The following ASAP1 variants were observed in gnomAD, a reference collection of about 807,000 sequenced individuals.
ASAP1 encodes ArfGAP with SH3 domain, ankyrin repeat and PH domain 1, also known as arf-GAP with SH3 domain, ANK repeat and PH domain-containing protein 1.
A neutral mutation model predicts 145.2 loss-of-function variants in ASAP1; 43 were observed. That is an observed-to-expected ratio of 0.30 (90% CI 0.23 to 0.38). The LOEUF (loss-of-function observed/expected upper bound fraction) is 0.38, where lower values mean the gene tolerates loss of function less well. ASAP1 is among the 10% of genes least tolerant of loss of function. ASAP1 has a pLI of 1.00. For synonymous variants in ASAP1, 546 were observed against 515.5 expected, an observed-to-expected ratio of 1.06 and a Z score of -0.80; for missense variants, 1,018 against 1,355.3, an observed-to-expected ratio of 0.75 and a Z score of 3.91.
chr8:130,090,327 T>C (rs1008745300), intron 25 of ASAP1, among the ~76,000 whole-genome samples: 1 of 152,192 alleles, frequency 6.6e-6, no homozygotes, highest in Admixed American at 6.5e-5. Context: ...GGTTAATTTG[T>C]GATATGAAAC....
intron 9 of ASAP1, among the ~76,000 whole-genome samples, chr8:130,171,635 C>T (rs992580464): frequency 3.3e-5 from 5 of 152,140 alleles, no homozygotes; most frequent in African/African-American, 7.2e-5. Flanking sequence ...GGAGCCAAAC[C>T]CTATCAACCT....
At chr8:130,372,411 A>G (rs1209889555) in intron 2 of ASAP1, among the ~76,000 whole-genome samples, 1 of 152,220 alleles carries the variant, frequency 6.6e-6, no homozygotes, top group Non-Finnish European at 1.5e-5. Context: ...TGCCAAAGAG[A>G]CAAACAGCAA....
rs1381245576 is a variant in ASAP1, at chr8:130,133,916, G to A, written c.1217+380C>T. ...AAAACTGAGCAAAGGCCCCTCCTGA[G>A]GGCAAGGGATGTGATTAAAAGATGC... On this transcript the variant is annotated intron_variant, in intron 15 of 29. Transcript: ENST00000518721. Among the ~76,000 whole-genome samples, 4 of 152,338 alleles carry A rather than the reference G, an allele frequency of 2.6e-5. No homozygotes were observed. In the East Asian group the frequency reaches 7.7e-4, roughly 29 times the overall value.
chr8:130,130,520 C>G lies in ASAP1; in HGVS notation c.1218-2430G>C, dbSNP rs1232652910. Among the ~76,000 whole-genome samples, 3 of 152,184 alleles carry G rather than the reference C, an allele frequency of 2.0e-5. No individual in the cohort carries two copies. The South Asian group carries it at 6.2e-4, about 32-fold the overall frequency. Reference sequence around the variant, plus strand: ...CAAAAGGACCAAGACTCACAGTGATCATTTGTGACATTAACTTTTAAATTA... The same window carrying G: ...CAAAAGGACCAAGACTCACAGTGATGATTTGTGACATTAACTTTTAAATTA... On this transcript the variant is annotated intron_variant, in intron 15 of 29. Transcript: ENST00000518721.
chr8:130,261,346 T>C (rs1365328619), intron 3 of ASAP1, among the ~76,000 whole-genome samples: 1 of 152,242 alleles, frequency 6.6e-6, no homozygotes, highest in East Asian at 1.9e-4. Flanking sequence ...GGAATCTTCC[T>C]AAGCAACTTT....
At chr8:130,316,836 C>T (rs1374619811) in intron 3 of ASAP1, among the ~76,000 whole-genome samples, 1 of 152,182 alleles carries the variant, frequency 6.6e-6, no homozygotes, top group Non-Finnish European at 1.5e-5. Flanking sequence ...TGGGATTTTC[C>T]CCCTGTAATA....
At position 130,069,619 on chromosome 8, in the gene ASAP1, C is replaced by A. The variant is rs566665004; in HGVS notation, c.2701+6729G>T. Reference sequence around the variant, plus strand: ...CCATGCTAATCTTCTCTGTATGGTTCCAATTTTAGCATATGTGCTGCCGAA... The same window carrying A: ...CCATGCTAATCTTCTCTGTATGGTTACAATTTTAGCATATGTGCTGCCGAA... On this transcript the variant is annotated intron_variant, in intron 27 of 29. Coordinates refer to ENST00000518721, the MANE Select transcript of ASAP1 (RefSeq NM_018482.4). 2.0e-5 allele frequency: 3 copies of A among 152,296 alleles called. No homozygotes were observed. In the South Asian group the frequency reaches 6.2e-4, roughly 32 times the overall value. 9.4% of individuals were successfully genotyped at this position (152,296 alleles called of 1,614,324 possible).
At chr8:130,343,962 G>A (rs1825546620) in intron 3 of ASAP1, among the ~76,000 whole-genome samples, 1 of 152,186 alleles carries the variant, frequency 6.6e-6, no homozygotes, top group Non-Finnish European at 1.5e-5. Context: ...GCTTATGGAT[G>A]ACTTTTAAAT....
In ASAP1 at chr8:130,054,363, T is replaced by C. The variant is rs371739209; in HGVS notation, c.*368A>G. ...TAACACAATTGAGAATACTGCATTG[T>C]TAGGAACAGAGTCAATTCTATGCCT... On this transcript the variant is annotated 3_prime_UTR_variant, in exon 30 of 30. Transcript: ENST00000518721. 73 of 206,154 alleles carry C rather than the reference T, an allele frequency of 3.5e-4. No individual in the cohort carries two copies. The highest frequency in any genetic ancestry group is 1.5e-3 in the African/African-American group (65 of 44,478). 12.8% of individuals were successfully genotyped at this position (206,154 alleles called of 1,614,324 possible).
intron 3 of ASAP1, among the ~76,000 whole-genome samples, chr8:130,309,186 T>C (rs1823176651): frequency 6.6e-6 from 1 of 152,180 alleles, no homozygotes; most frequent in African/African-American, 2.4e-5. Flanking sequence ...AAAAGCACAA[T>C]GCTTGCTTTG....
intron 3 of ASAP1, among the ~76,000 whole-genome samples, chr8:130,302,656 C>A (rs555789887): frequency 6.6e-6 from 1 of 152,198 alleles, no homozygotes; most frequent in Admixed American, 6.5e-5. Context: ...TGGAGAGACA[C>A]CAGCTGAGGG....
intron 3 of ASAP1, among the ~76,000 whole-genome samples, chr8:130,268,490 A>AACACACACAC (rs113714700): frequency 0.019 from 2,512 of 133,118 alleles, 33 homozygotes; most frequent in East Asian, 0.026. Context: ...CCCGTCTTAA[A>AACACACACAC]ACACACACAC....
At chr8:130,331,413 T>C (rs1824682547) in intron 3 of ASAP1, among the ~76,000 whole-genome samples, 1 of 152,138 alleles carries the variant, frequency 6.6e-6, no homozygotes, top group Non-Finnish European at 1.5e-5. Context: ...ACTTGGTCAG[T>C]TTACTTCACT....
chr8:130,075,375 T>C (rs1382056425), intron 27 of ASAP1, among the ~76,000 whole-genome samples: 1 of 152,326 alleles, frequency 6.6e-6, no homozygotes, highest in African/African-American at 2.4e-5. Context: ...TCAAAGTGTG[T>C]TACTTCACTG....
intron 3 of ASAP1, among the ~76,000 whole-genome samples, chr8:130,253,889 T>C (rs1586690273): frequency 6.6e-6 from 1 of 151,948 alleles, no homozygotes; most frequent in Admixed American, 6.6e-5. Context: ...GCCGTGGCGG[T>C]GGGAGCCTGT....
rs2097561796 is a variant in ASAP1 at position 130,119,365 on chromosome 8, G to GTTCAGTA, written c.1608-697_1608-691dup. The stretch of plus-strand genomic sequence containing the variant: ...AAGATGAGCTGTCTTTCCTGCACAG[G>GTTCAGTA]TTCAGTATGGGAGCAGGAGACCACA... On this transcript the variant is annotated intron_variant, in intron 18 of 29. Transcript: ENST00000518721. Among the ~76,000 whole-genome samples the GTTCAGTA allele has an allele frequency of 2.0e-5, 3 of 152,326 alleles. No individual in the cohort carries two copies. The South Asian group carries it at 6.2e-4, about 32-fold the overall frequency.
chr8:130,292,348 T>C (rs1821998406), intron 3 of ASAP1, among the ~76,000 whole-genome samples: 1 of 152,184 alleles, frequency 6.6e-6, no homozygotes, highest in Non-Finnish European at 1.5e-5. Context: ...GATGGTGTGA[T>C]CAGCTTTGTT....
At chr8:130,262,011 A>T (rs1819927417) in intron 3 of ASAP1, among the ~76,000 whole-genome samples, 1 of 152,120 alleles carries the variant, frequency 6.6e-6, no homozygotes, top group Admixed American at 6.5e-5. Context: ...GGAGAATACA[A>T]ACTATGAATA....
At position 130,137,823 on chromosome 8, in the gene ASAP1, T is replaced by A. The variant is rs1406415132; in HGVS notation, c.1081-785A>T. 2.0e-5 allele frequency among the ~76,000 whole-genome samples: 3 copies of A among 152,204 alleles called. No homozygotes were observed. The East Asian group carries it at 5.8e-4, about 29-fold the overall frequency. On this transcript the variant is annotated intron_variant, in intron 13 of 29. Coordinates refer to ENST00000518721, the MANE Select transcript of ASAP1 (RefSeq NM_018482.4). ...AGGAAGTCTCACCACGTATTCACAC[T>A]GGTCAAAACACTCTCCTGCCTGCCC...
Sources: allele counts gnomAD v4.1 joint callset (sites outside exome capture counted in the v4.1 genomes callset), GRCh38; gene constraint gnomAD v4.1.1; transcripts MANE v1.5; gene names NCBI Gene and HGNC (gene_info 2026-07-23, HGNC 2026-07-21).